Variants in KAT6B observed in about 807,000 individuals in gnomAD.
The protein encoded by KAT6B is histone acetyltransferase KAT6B.
Under a neutral mutation model 187.5 loss-of-function variants are expected in KAT6B, and 10 were observed. The observed-to-expected ratio is 0.05, with a 90% CI of 0.03 to 0.09. The LOEUF (loss-of-function observed/expected upper bound fraction) is 0.09. KAT6B is among the 10% of genes least tolerant of loss of function. The pLI, the probability that KAT6B is intolerant of heterozygous loss-of-function variation, is 1.00. For missense variants in KAT6B, 1,952 were observed against 2,558.9 expected, an observed-to-expected ratio of 0.76 and a Z score of 5.12; for synonymous variants, 861 against 926.8, an observed-to-expected ratio of 0.93 and a Z score of 1.29.
At chr10:74,867,040 C>G (rs1843598928) in intron 3 of KAT6B, among the ~76,000 whole-genome samples, 1 of 151,942 alleles carries the variant, frequency 6.6e-6, no homozygotes, top group Non-Finnish European at 1.5e-5. Context: ...CTTTTTTAAA[C>G]CTTGTATGTT....
At chr10:74,926,519 A>G (rs955640528) in intron 3 of KAT6B, among the ~76,000 whole-genome samples, 1 of 152,346 alleles carries the variant, frequency 6.6e-6, no homozygotes, top group South Asian at 2.1e-4. Context: ...GAAAATGCAG[A>G]TCACTTATTT....
chr10:74,864,094 G>A (rs1181886625), intron 3 of KAT6B, among the ~76,000 whole-genome samples: 2 of 151,998 alleles, frequency 1.3e-5, no homozygotes, highest in East Asian at 3.9e-4. Context: ...TTTGAGACAG[G>A]GTCTCTCTCT....
At chr10:74,832,744 C>T (rs980589485) in intron 1 of KAT6B, among the ~76,000 whole-genome samples, 1 of 151,980 alleles carries the variant, frequency 6.6e-6, no homozygotes, top group African/African-American at 2.4e-5. Context: ...AGGTGATCCA[C>T]CTGCCTTGGC....
At position 75,032,218 on chromosome 10, in the gene KAT6B, A is replaced by C. The variant is rs1056805320; in HGVS notation, c.*1172A>C. 1 of 192,254 alleles carries C rather than the reference A, an allele frequency of 5.2e-6. No individual in the cohort carries two copies. The highest frequency in any genetic ancestry group is 1.1e-5 in the Non-Finnish European group (1 of 91,886). 11.9% of individuals were successfully genotyped at this position (192,254 alleles called of 1,614,324 possible). On this transcript the variant is annotated 3_prime_UTR_variant, in exon 18 of 18. Transcript: ENST00000287239. ...TTATCTGTTCTCTTTTTAGTCAGTC[A>C]CTTCAAAAAAACAAAAAACAAACAA...
chr10:74,946,410 A>G (rs1839952807), intron 3 of KAT6B, among the ~76,000 whole-genome samples: 1 of 152,182 alleles, frequency 6.6e-6, no homozygotes, highest in Admixed American at 6.6e-5. Context: ...TAATCAAGAG[A>G]AATGAAAGCA....
intron 3 of KAT6B, among the ~76,000 whole-genome samples, chr10:74,855,256 T>C (rs1842744930): frequency 6.6e-6 from 1 of 152,082 alleles, no homozygotes. Context: ...CTGCCTAGGG[T>C]GTTCAGAGTG....
intron 3 of KAT6B, among the ~76,000 whole-genome samples, chr10:74,892,153 A>G (rs376510098): frequency 6.6e-6 from 1 of 152,316 alleles, no homozygotes; most frequent in East Asian, 1.9e-4. Flanking sequence ...GGATCACTTG[A>G]GCCCAGGAGT....
At chr10:75,003,784 T>G (rs1196114814) in intron 13 of KAT6B, among the ~76,000 whole-genome samples, 1 of 152,200 alleles carries the variant, frequency 6.6e-6, no homozygotes. Context: ...TCTCAGTGAT[T>G]TATTCAGAGG....
At chr10:74,854,907 C>T (rs1029116628) in intron 3 of KAT6B, among the ~76,000 whole-genome samples, 1 of 152,180 alleles carries the variant, frequency 6.6e-6, no homozygotes, top group Non-Finnish European at 1.5e-5. Flanking sequence ...ACTTTACTTA[C>T]AAGTTCAATT....
intron 3 of KAT6B, among the ~76,000 whole-genome samples, chr10:74,950,282 G>A (rs544715122): frequency 3.3e-5 from 5 of 152,294 alleles, no homozygotes; most frequent in South Asian, 2.1e-4. Flanking sequence ...AGAAAATGGC[G>A]ATAGACTTGT....
At chr10:75,023,314 C>T (rs1017719420) in intron 16 of KAT6B, among the ~76,000 whole-genome samples, 3 of 152,210 alleles carry the variant, frequency 2.0e-5, no homozygotes, top group Non-Finnish European at 4.4e-5. Flanking sequence ...GTTCTAACTC[C>T]CAGCTCAGCG....
intron 12 of KAT6B, 127 bp downstream of exon 12, chr10:74,985,368 G>C: frequency 1.0e-6 from 1 of 992,312 alleles, no homozygotes; most frequent in East Asian, 2.6e-5. Flanking sequence ...GAAAAGCTCA[G>C]GTTCTTGTTC....
intron 3 of KAT6B, among the ~76,000 whole-genome samples, chr10:74,936,507 T>G (rs1211237118): frequency 6.6e-6 from 1 of 152,218 alleles, no homozygotes; most frequent in Non-Finnish European, 1.5e-5. Context: ...GTTGATTATT[T>G]ATATTTGAAA....
At chr10:74,889,109 C>T (rs551097482) in intron 3 of KAT6B, among the ~76,000 whole-genome samples, 2 of 152,082 alleles carry the variant, frequency 1.3e-5, no homozygotes, top group Admixed American at 6.5e-5. Flanking sequence ...TATGTAAATA[C>T]GTGGATAAAG....
chr10:74,848,377 C>T (rs1352843537), intron 3 of KAT6B, among the ~76,000 whole-genome samples: 5 of 152,166 alleles, frequency 3.3e-5, no homozygotes, highest in East Asian at 1.9e-4. Flanking sequence ...TGGTGGCACA[C>T]GCCTATAATC....
At chr10:75,016,934 G>A (rs1273574443) in intron 13 of KAT6B, among the ~76,000 whole-genome samples, 1 of 147,950 alleles carries the variant, frequency 6.8e-6, no homozygotes, top group African/African-American at 2.5e-5. Flanking sequence ...CATGATCTCG[G>A]CTCACTGCAA....
Position 75,029,395 on chromosome 10 carries a change from A to T in KAT6B, c.4571A>T (p.Asp1524Val). The change falls in exon 18 of 18, where the codon GAT (aspartate) becomes GTT (valine). Residue 1524 changes from aspartate (D) to valine (V), a missense_variant. This residue lies in a region of KAT6B where 758 missense variants were observed against 891.4 expected (regional missense o/e 0.85). Transcript: ENST00000287239. This position sits in a 1 kb window ranked among gnomAD's most constrained non-coding sequence, Gnocchi z 6.2. ...KQDQKNSKEV[D>V]TEFKEGNPAT... ...GACCAAAAGAACAGCAAGGAAGTCG[A>T]TACAGAGTTCAAAGAGGGAAACCCA... 1 of 1,614,186 alleles carries T rather than the reference A, an allele frequency of 6.2e-7. No homozygotes were observed. The highest frequency in any genetic ancestry group is 8.5e-7 in the Non-Finnish European group (1 of 1,180,024).
At chr10:74,984,750 T>G (rs1842716458) in intron 11 of KAT6B, 1 of 339,636 alleles carries the variant, frequency 2.9e-6, no homozygotes, top group Admixed American at 4.5e-5. Context: ...TCGGTTCAGA[T>G]AGAGAGGACA....
intron 3 of KAT6B, among the ~76,000 whole-genome samples, chr10:74,925,176 G>T (rs1458661601): frequency 1.3e-5 from 2 of 152,144 alleles, no homozygotes; most frequent in African/African-American, 4.8e-5. Context: ...AATTAGCTGG[G>T]ATTACAGGTG....
Sources: gnomAD v4.1 joint callset for allele counts (sites outside exome capture counted in the v4.1 genomes callset) on GRCh38, gnomAD v4.1.1 for gene constraint, gnomAD v4.1.1 regional missense constraint, Gnocchi (gnomAD v3.1) non-coding constraint, MANE v1.5 for transcripts, NCBI Gene and HGNC (gene_info 2026-07-23, HGNC 2026-07-21) for gene names.